The following VAV2 variants were observed in gnomAD, a reference collection of about 807,000 sequenced individuals.
VAV2 encodes the protein guanine nucleotide exchange factor VAV2.
A neutral mutation model predicts 132.5 loss-of-function variants in VAV2; 67 were observed. The ratio of observed to expected loss-of-function variants is 0.51; its 90% CI spans 0.42 to 0.62. The LOEUF is 0.62. Ranked by LOEUF, VAV2 falls within the 20% of genes least tolerant of loss-of-function variation. VAV2 has a pLI of 0.00. For missense variants in VAV2, 938 were observed against 1,153.6 expected (o/e 0.81, Z 2.71); for synonymous variants, 492 against 443.5 (o/e 1.11, Z -1.37).
At position 133,861,146 on chromosome 9, in the gene VAV2, A is replaced by T. The variant is rs548470241; in HGVS notation, c.380+228T>A. The T allele has an allele frequency of 1.3e-3, 628 of 473,130 alleles. 2 individuals are homozygous for T. The highest frequency in any genetic ancestry group is 0.012 in the African/African-American group (589 of 50,420). The allele number at this position is 473,130 out of a possible 1,614,324, so 29.3% of individuals were successfully genotyped here. ...TTACCTAAATCGAAAGAGATTTTGC[A>T]GCCGTCAGTAACATGCTTGCAAGAT... is the stretch of plus-strand genomic sequence containing the variant. On this transcript the variant is annotated intron_variant, in intron 3 of 29. Coordinates refer to ENST00000371850, the MANE Select transcript of VAV2 (RefSeq NM_001134398.2).
chr9:133,981,401 G>T (rs1346921988), intron 1 of VAV2, among the ~76,000 whole-genome samples: 1 of 152,242 alleles, frequency 6.6e-6, no homozygotes, highest in Non-Finnish European at 1.5e-5. Context: ...AGAGAGGTGG[G>T]TAGTGAGGCG....
At chr9:133,894,588 G>C (rs907838392) in intron 2 of VAV2, among the ~76,000 whole-genome samples, 3 of 152,186 alleles carry the variant, frequency 2.0e-5, no homozygotes, top group Non-Finnish European at 4.4e-5. Context: ...AGGCATGAGG[G>C]CCCAGCAGGG....
chr9:133,964,995 T>C (rs1183946768), intron 1 of VAV2, among the ~76,000 whole-genome samples: 1 of 151,878 alleles, frequency 6.6e-6, no homozygotes, highest in African/African-American at 2.4e-5. Context: ...AGGAAAGAAA[T>C]AGAGGGCCTC....
At chr9:133,795,478 T>C (rs1312145063) in intron 12 of VAV2, among the ~76,000 whole-genome samples, 190 bp downstream of exon 12, 1 of 152,088 alleles carries the variant, frequency 6.6e-6, no homozygotes, top group Admixed American at 6.5e-5. Flanking sequence ...TGACCTGCAG[T>C]GCCCTCCACC....
rs1170537965 is a variant in VAV2, at chr9:133,975,880, C to T, written c.204+16195G>A. On this transcript the variant is annotated intron_variant, in intron 1 of 29. Transcript: ENST00000371850. The stretch of plus-strand genomic sequence containing the variant: ...GGTCTCCTCCAACCCTCCCACACTT[C>T]TTCTCTTGTCAGGGGACTTTTAAAA... 2.6e-5 allele frequency among the ~76,000 whole-genome samples: 4 copies of T among 152,192 alleles called. No individual in the cohort carries two copies. The East Asian group carries it at 7.7e-4, about 29-fold the overall frequency.
chr9:133,768,680 T>C lies in VAV2; in HGVS notation c.2435-84A>G. 6.7e-7 allele frequency: 1 copy of C among 1,502,582 alleles called. No individual in the cohort carries two copies. Among genetic ancestry groups the C allele is most frequent in the Admixed American group, 2.0e-5 (1 of 50,044 alleles). 93.1% of individuals were successfully genotyped at this position (1,502,582 alleles called of 1,614,324 possible). On this transcript the variant is annotated intron_variant, in intron 28 of 29. Transcript: ENST00000371850. The surrounding 1 kb of genome is among the most constrained non-coding windows in gnomAD (Gnocchi z 5.3). ...GGAGGCCCTTGGGCCAAGCTGGGTC[T>C]CTCCCCTGGTGCCCAGAACCCTGCT...
chr9:133,922,821 A>T (rs1840343436), intron 2 of VAV2, among the ~76,000 whole-genome samples: 1 of 152,218 alleles, frequency 6.6e-6, no homozygotes, highest in African/African-American at 2.4e-5. Flanking sequence ...ACCCCACAGC[A>T]CCGGCAACAA....
rs1161692033 is a variant in VAV2, at chr9:133,763,271, G to A, written c.*791C>T. Reference sequence around the variant, plus strand: ...AAAAGATGTACTGATCTGGCAGCGCGGCCAGGCAGACACCTTCCCAGGACT... The same window carrying A: ...AAAAGATGTACTGATCTGGCAGCGCAGCCAGGCAGACACCTTCCCAGGACT... On this transcript the variant is annotated 3_prime_UTR_variant, in exon 30 of 30. Transcript: ENST00000371850. This position sits in a 1 kb window ranked among gnomAD's most constrained non-coding sequence, Gnocchi z 6.8. 2 of 152,194 alleles carry A rather than the reference G, an allele frequency of 1.3e-5. No individual in the cohort carries two copies. Among genetic ancestry groups the A allele is most frequent in the African/African-American group, 2.4e-5 (1 of 41,428 alleles). The allele number at this position is 152,194 out of a possible 1,614,324, so 9.4% of individuals were successfully genotyped here. A position where few individuals can be genotyped will look rare whatever the true frequency, so the allele number is the denominator to read the frequency against.
At chr9:133,865,291 G>A (rs1837756150) in intron 2 of VAV2, among the ~76,000 whole-genome samples, 2 of 152,152 alleles carry the variant, frequency 1.3e-5, no homozygotes, top group East Asian at 1.9e-4. Context: ...ATGGCCTTCT[G>A]GAAAGAACCC....
intron 2 of VAV2, among the ~76,000 whole-genome samples, chr9:133,923,116 G>A (rs1840353954): frequency 6.6e-6 from 1 of 152,096 alleles, no homozygotes; most frequent in South Asian, 2.1e-4. Context: ...TAATCATTCG[G>A]GGATACAAAG....
rs373267933 is a variant in VAV2 at position 133,766,759 on chromosome 9, A to AATATATATATATATATATAT, written c.2589+1663_2589+1682dup. On this transcript the variant is annotated intron_variant, in intron 29 of 29. Coordinates refer to ENST00000371850, the MANE Select transcript of VAV2 (RefSeq NM_001134398.2). ...TACCCTAGAACTTAAAGTATAAATA[A>AATATATATATATATATATAT]ATATATATATATATATATATATATA... Among the ~76,000 whole-genome samples the AATATATATATATATATATAT allele has an allele frequency of 1.1e-3, 121 of 112,048 alleles. 1 individual carries two copies. Among genetic ancestry groups the AATATATATATATATATATAT allele is most frequent in the Non-Finnish European group, 1.4e-3 (76 of 55,592 alleles). 73.5% of individuals were successfully genotyped at this position (112,048 alleles called of 152,430 possible).
intron 6 of VAV2, among the ~76,000 whole-genome samples, chr9:133,809,752 G>C (rs12003538): frequency 0.038 from 5,829 of 152,316 alleles, 386 homozygotes; most frequent in African/African-American, 0.13. Context: ...GCCGGGACAG[G>C]ATTAGAGATT....
intron 9 of VAV2, among the ~76,000 whole-genome samples, chr9:133,798,677 T>C (rs1401889125): frequency 6.6e-6 from 1 of 152,134 alleles, no homozygotes; most frequent in African/African-American, 2.4e-5. Context: ...CAGGTGACAA[T>C]GTTGGTGACA....
chr9:133,864,351 A>G (rs915615526), intron 2 of VAV2, among the ~76,000 whole-genome samples: 2 of 152,240 alleles, frequency 1.3e-5, no homozygotes, highest in Admixed American at 1.3e-4. Flanking sequence ...CCAAAGCTTC[A>G]GGCCTCTGTG....
At position 133,769,981 on chromosome 9, in the gene VAV2, C is replaced by T. The variant is rs576725363; in HGVS notation, c.2347+397G>A. Among the ~76,000 whole-genome samples, 66 of 152,338 alleles carry T rather than the reference C, an allele frequency of 4.3e-4. No individual in the cohort carries two copies. Among genetic ancestry groups the T allele is most frequent in the South Asian group, 8.3e-4 (4 of 4,830 alleles). ...CCCTGTTCTGAGCTGTGGAGTCCAA[C>T]CTGCAAACAGGCTGCCTCTCACAGA... On this transcript the variant is annotated intron_variant, in intron 27 of 29. Coordinates refer to ENST00000371850, the MANE Select transcript of VAV2 (RefSeq NM_001134398.2). This position sits in a 1 kb window ranked among gnomAD's most constrained non-coding sequence, Gnocchi z 8.1.
At chr9:133,800,310 G>A (rs960105902) in intron 9 of VAV2, among the ~76,000 whole-genome samples, 1 of 152,238 alleles carries the variant, frequency 6.6e-6, no homozygotes, top group African/African-American at 2.4e-5. Context: ...GAGGACTCTA[G>A]GTGGGGAAGC....
At chr9:133,787,142 GCCCAGC>G (rs1402519907) in intron 16 of VAV2, 98 bp downstream of exon 16, 1 of 1,317,628 alleles carries the variant, frequency 7.6e-7, no homozygotes, top group Non-Finnish European at 9.9e-7. Flanking sequence ...AAAACCCTGA[GCCCAGC>G]CCCTCAGGCC....
In VAV2 at chr9:133,885,607, G is replaced by A. The variant is rs996498529; in HGVS notation, c.322-24175C>T. ...CGCAGGGGAGACGTGACCCCAGGGC[G>A]GACCCCTCCCAAGCTTGGTGTGGTG... On this transcript the variant is annotated intron_variant, in intron 2 of 29. Transcript: ENST00000371850. The surrounding 1 kb of genome is among the most constrained non-coding windows in gnomAD (Gnocchi z 5.0). Among the ~76,000 whole-genome samples, 4 of 152,168 alleles carry A rather than the reference G, an allele frequency of 2.6e-5. No homozygotes were observed. The highest frequency in any genetic ancestry group is 6.5e-5 in the Admixed American group (1 of 15,280).
Position 133,823,971 on chromosome 9 carries a change from T to G in VAV2, c.449+10301A>C, listed in dbSNP as rs542447020. On this transcript the variant is annotated intron_variant, in intron 4 of 29. Coordinates refer to ENST00000371850, the MANE Select transcript of VAV2 (RefSeq NM_001134398.2). The surrounding 1 kb of genome is among the most constrained non-coding windows in gnomAD (Gnocchi z 5.5). ...CCACTGAGAAGGAACAAACGGCCTC[T>G]CCCTCAGTGGTGGGGGTGGGGGAGC... 1.3e-5 allele frequency among the ~76,000 whole-genome samples: 2 copies of G among 151,980 alleles called. No individual in the cohort carries two copies. Among genetic ancestry groups the G allele is most frequent in the African/African-American group, 4.8e-5 (2 of 41,422 alleles).
Sources: gnomAD v4.1 joint callset for allele counts (sites outside exome capture counted in the v4.1 genomes callset) on GRCh38, gnomAD v4.1.1 for gene constraint, Gnocchi (gnomAD v3.1) non-coding constraint, MANE v1.5 for transcripts, NCBI Gene and HGNC (gene_info 2026-07-23, HGNC 2026-07-21) for gene names.